Variants in NCKAP5 observed in about 807,000 individuals in gnomAD.
NCKAP5 encodes NCK associated protein 5, also known as nck-associated protein 5.
In NCKAP5, 92 loss-of-function variants were observed where a neutral mutation model predicts 167.0. The ratio of observed to expected loss-of-function variants is 0.55; its 90% confidence interval spans 0.47 to 0.66. The LOEUF (loss-of-function observed/expected upper bound fraction) is 0.66, where lower values mean the gene tolerates loss of function less well. NCKAP5 is among the 30% of genes least tolerant of loss of function. NCKAP5 has a pLI of 0.00. For missense variants in NCKAP5, 2,378 were observed against 2,315.0 expected (o/e 1.03, Z -0.56); for synonymous variants, 891 against 877.4 (o/e 1.02, Z -0.27).
intron 3 of NCKAP5, among the ~76,000 whole-genome samples, chr2:133,424,073 C>T (rs1689642940): frequency 1.3e-5 from 2 of 152,266 alleles, no homozygotes; most frequent in Non-Finnish European, 2.9e-5. Context: ...TTTAATGTGA[C>T]CCTGGGCAAG....
At chr2:132,847,282 G>C (rs1017058572) in intron 11 of NCKAP5, among the ~76,000 whole-genome samples, 11 of 152,148 alleles carry the variant, frequency 7.2e-5, no homozygotes, top group African/African-American at 2.7e-4. Flanking sequence ...GCAATACATT[G>C]TACTAAGTAC....
chr2:133,452,498 C>T (rs1691610415), intron 3 of NCKAP5, among the ~76,000 whole-genome samples: 1 of 152,156 alleles, frequency 6.6e-6, no homozygotes, highest in Non-Finnish European at 1.5e-5. Flanking sequence ...CCAAATCTCA[C>T]TATAAAATTT....
intron 11 of NCKAP5, among the ~76,000 whole-genome samples, chr2:132,800,184 T>A (rs991233015): frequency 7.9e-5 from 12 of 152,186 alleles, no homozygotes; most frequent in African/African-American, 2.9e-4. Flanking sequence ...ATAACTGACT[T>A]AAGAAGGCCA....
At chr2:133,060,643 T>C (rs935699107) in intron 6 of NCKAP5, among the ~76,000 whole-genome samples, 3 of 152,164 alleles carry the variant, frequency 2.0e-5, no homozygotes, top group African/African-American at 4.8e-5. Flanking sequence ...TAAAATTGAA[T>C]GGAGATTTCA....
chr2:133,176,170 A>G (rs1186555373), intron 5 of NCKAP5, among the ~76,000 whole-genome samples: 1 of 152,192 alleles, frequency 6.6e-6, no homozygotes, highest in Non-Finnish European at 1.5e-5. Flanking sequence ...AGCCCCAATA[A>G]TTATTTTGCA....
chr2:133,126,695 T>C (rs2082414284), intron 6 of NCKAP5, among the ~76,000 whole-genome samples: 1 of 152,202 alleles, frequency 6.6e-6, no homozygotes, highest in Admixed American at 6.5e-5. Context: ...GAGATAATAT[T>C]CCTCTCTTTA....
At chr2:132,944,673 T>C (rs1558972651) in intron 8 of NCKAP5, among the ~76,000 whole-genome samples, 1 of 152,212 alleles carries the variant, frequency 6.6e-6, no homozygotes, top group Non-Finnish European at 1.5e-5. Context: ...TGGGCAAACA[T>C]GGTCTTGTAA....
Position 133,221,177 on chromosome 2 carries a change from C to T in NCKAP5, c.144-7398G>A, listed in dbSNP as rs113559396. ...AGGAAAATAAAGTATAACAAATAAA[C>T]ATGCTTACATATGAATTTAAAAAGG... is the stretch of plus-strand genomic sequence containing the variant. On this transcript the variant is annotated intron_variant, in intron 4 of 19. Transcript: ENST00000409261. Among the ~76,000 whole-genome samples the T allele has an allele frequency of 9.5e-3, 1,447 of 152,174 alleles. 33 individuals carry two copies. Among genetic ancestry groups the T allele is most frequent in the African/African-American group, 0.032 (1,325 of 41,474 alleles).
chr2:132,760,013 T>A (rs73957659), intron 16 of NCKAP5, among the ~76,000 whole-genome samples: 1,535 of 152,238 alleles, frequency 0.01, 24 homozygotes, highest in African/African-American at 0.035. Context: ...ATTTTTCACA[T>A]GCAAATATAA....
At chr2:132,795,923 C>T (rs766052633) in intron 12 of NCKAP5, among the ~76,000 whole-genome samples, 1 of 150,006 alleles carries the variant, frequency 6.7e-6, no homozygotes, top group Non-Finnish European at 1.5e-5. Context: ...AAAAAAACTC[C>T]TGACTTTACG....
At chr2:133,422,774 G>T (rs147958272) in intron 3 of NCKAP5, among the ~76,000 whole-genome samples, 1 of 152,088 alleles carries the variant, frequency 6.6e-6, no homozygotes, top group Non-Finnish European at 1.5e-5. Flanking sequence ...CTTTAACTTC[G>T]TCTGTGATCA....
chr2:133,089,695 T>C (rs1389100444), intron 6 of NCKAP5, among the ~76,000 whole-genome samples: 1 of 152,246 alleles, frequency 6.6e-6, no homozygotes, highest in African/African-American at 2.4e-5. Flanking sequence ...GACATTCATT[T>C]GTACATACAC....
chr2:133,605,420 C>G, the NCKAP5 span, among the ~76,000 whole-genome samples: 1 of 152,074 alleles, frequency 6.6e-6, no homozygotes, highest in Non-Finnish European at 1.5e-5. Flanking sequence ...GCTGTGGTCC[C>G]CGACCCCCTG....
intron 3 of NCKAP5, among the ~76,000 whole-genome samples, chr2:133,466,787 T>C (rs1334240772): frequency 1.3e-5 from 2 of 151,856 alleles, no homozygotes; most frequent in Non-Finnish European, 2.9e-5. Flanking sequence ...GAATGGGAGT[T>C]CACTCATGAT....
intron 2 of NCKAP5, among the ~76,000 whole-genome samples, chr2:133,554,025 C>T (rs990430833): frequency 6.6e-6 from 1 of 152,134 alleles, no homozygotes; most frequent in Non-Finnish European, 1.5e-5. Flanking sequence ...GGGTCCTCTC[C>T]CAAGCTCATG....
intron 4 of NCKAP5, among the ~76,000 whole-genome samples, chr2:133,229,689 C>T (rs1187091066): frequency 2.0e-5 from 3 of 152,160 alleles, no homozygotes; most frequent in African/African-American, 7.2e-5. Flanking sequence ...CACCTGGACA[C>T]AGGCACTCTT....
intron 4 of NCKAP5, among the ~76,000 whole-genome samples, chr2:133,279,856 T>A (rs72987622): frequency 0.079 from 12,009 of 152,280 alleles, 566 homozygotes; most frequent in African/African-American, 0.12. Context: ...AATGTTCTTG[T>A]CTTAATTTAG....
intron 3 of NCKAP5, among the ~76,000 whole-genome samples, chr2:133,318,720 C>T (rs1273286688): frequency 6.6e-6 from 1 of 152,128 alleles, no homozygotes; most frequent in Non-Finnish European, 1.5e-5. Context: ...GCCCAGGGCC[C>T]CTGTCTCTGT....
At chr2:133,394,421 T>C (rs1687612054) in intron 3 of NCKAP5, among the ~76,000 whole-genome samples, 1 of 152,090 alleles carries the variant, frequency 6.6e-6, no homozygotes, top group African/African-American at 2.4e-5. Flanking sequence ...GAGCTAAGAA[T>C]GGAGGCACAT....
Sources: allele counts gnomAD v4.1 joint callset (sites outside exome capture counted in the v4.1 genomes callset), GRCh38; gene constraint gnomAD v4.1.1; transcripts MANE v1.5; gene names NCBI Gene and HGNC (gene_info 2026-07-23, HGNC 2026-07-21).